RAP1GAP2: variants seen among roughly 807,000 people sequenced by gnomAD.
The protein encoded by RAP1GAP2 is rap1 GTPase-activating protein 2.
In RAP1GAP2, 27 loss-of-function variants were observed where a neutral mutation model predicts 95.0. The ratio of observed to expected loss-of-function variants is 0.28; its 90% CI spans 0.21 to 0.39. RAP1GAP2 has a LOEUF of 0.39. Among genes scored for constraint, RAP1GAP2 ranks in the 10% least tolerant of loss-of-function variants. The pLI, the probability that RAP1GAP2 is intolerant of heterozygous loss-of-function variation, is 1.00. For synonymous variants in RAP1GAP2, 373 were observed against 380.9 expected (o/e 0.98, Z 0.24); for missense variants, 771 against 970.0 (o/e 0.79, Z 2.72).
chr17:2,885,028 CTTTTTTTTTT>C lies in RAP1GAP2; in HGVS notation c.81-20242_81-20233del, dbSNP rs891984333. Among the ~76,000 whole-genome samples, 13 of 112,494 alleles carry C rather than the reference CTTTTTTTTTT, an allele frequency of 1.2e-4. No individual in the cohort carries two copies. In the East Asian group the frequency reaches 2.5e-3, roughly 22 times the overall value. The allele number at this position is 112,494 out of a possible 152,430, so 73.8% of individuals were successfully genotyped here. On this transcript the variant is annotated intron_variant, in intron 2 of 24. Coordinates refer to ENST00000254695, the MANE Select transcript of RAP1GAP2 (RefSeq NM_015085.5). ...ATAGGCACATTTCTTTTATTTCTTT[CTTTTTTTTTT>C]TTTTTTTTTTTTTGAGATGGAGTCT... is the stretch of plus-strand genomic sequence containing the variant.
chr17:2,917,028 C>T (rs910595519), intron 3 of RAP1GAP2, among the ~76,000 whole-genome samples: 1 of 152,182 alleles, frequency 6.6e-6, no homozygotes, highest in South Asian at 2.1e-4. Flanking sequence ...TGGCTGGGTT[C>T]GTAGAATTCT....
At chr17:2,899,256 G>A (rs2041943468) in intron 2 of RAP1GAP2, among the ~76,000 whole-genome samples, 1 of 152,184 alleles carries the variant, frequency 6.6e-6, no homozygotes, top group South Asian at 2.1e-4. Flanking sequence ...CCAGGCTGGA[G>A]TGCAGTGGAG....
intron 1 of RAP1GAP2, among the ~76,000 whole-genome samples, chr17:2,765,289 C>G (rs900639211): frequency 1.3e-4 from 20 of 152,194 alleles, no homozygotes; most frequent in Non-Finnish European, 2.9e-5. Flanking sequence ...GCACCAGGTC[C>G]TGCCAACACC....
At chr17:3,000,187 G>A (rs930514354) in intron 14 of RAP1GAP2, among the ~76,000 whole-genome samples, 3 of 152,210 alleles carry the variant, frequency 2.0e-5, no homozygotes, top group Non-Finnish European at 4.4e-5. Context: ...GACCCCAAGT[G>A]ATCTGCCTGC....
Position 3,031,131 on chromosome 17 carries a change from G to A in RAP1GAP2, c.2184+133G>A, listed in dbSNP as rs538142676. ...AGGAGGCAGGGGAAGCTCTGGGGACGTCTGGCTCCAGCAGGTGCAGGCCGT... is the reference window on the plus strand; with the variant it reads ...AGGAGGCAGGGGAAGCTCTGGGGACATCTGGCTCCAGCAGGTGCAGGCCGT... On this transcript the variant is annotated intron_variant, in intron 23 of 24. Transcript: ENST00000254695. 4,581 of 1,008,030 alleles carry A rather than the reference G, an allele frequency of 4.5e-3. 19 individuals carry two copies. The highest frequency in any genetic ancestry group is 9.4e-3 in the South Asian group (648 of 69,020). 62.4% of individuals were successfully genotyped at this position (1,008,030 alleles called of 1,614,324 possible).
intron 3 of RAP1GAP2, among the ~76,000 whole-genome samples, chr17:2,930,191 G>C (rs910390945): frequency 6.6e-6 from 1 of 152,382 alleles, no homozygotes; most frequent in East Asian, 1.9e-4. Context: ...GACTGGGAGC[G>C]GGATTGTCCC....
chr17:2,967,882 G>C (rs897737164), intron 8 of RAP1GAP2, among the ~76,000 whole-genome samples: 3 of 152,166 alleles, frequency 2.0e-5, no homozygotes, highest in Non-Finnish European at 4.4e-5. Context: ...TCCAGTCTAA[G>C]ATCTAAGTAT....
At chr17:2,914,794 C>CTT (rs1351771209) in intron 3 of RAP1GAP2, among the ~76,000 whole-genome samples, 16 of 120,272 alleles carry the variant, frequency 1.3e-4, no homozygotes, top group Admixed American at 3.4e-4. Flanking sequence ...CCGGCCACTT[C>CTT]TTTTTTTTTT....
chr17:2,939,799 T>G (rs939798335), intron 3 of RAP1GAP2, among the ~76,000 whole-genome samples: 1 of 152,228 alleles, frequency 6.6e-6, no homozygotes, highest in Non-Finnish European at 1.5e-5. Flanking sequence ...CCCCTTGCCC[T>G]TATGACGTAA....
rs1007355057 is a variant in RAP1GAP2, at chr17:3,017,393, C to T, written c.1495-668C>T. 3.3e-5 allele frequency among the ~76,000 whole-genome samples: 5 copies of T among 151,958 alleles called. No homozygotes were observed. In the East Asian group the frequency reaches 5.8e-4, roughly 18 times the overall value. Reference sequence around the variant, plus strand: ...TCAGCACCTCCATCAGACCAGGGGCCGTAACAAAGGCGGATCTGAAGCCCC... The same window carrying T: ...TCAGCACCTCCATCAGACCAGGGGCTGTAACAAAGGCGGATCTGAAGCCCC... On this transcript the variant is annotated intron_variant, in intron 17 of 24. Transcript: ENST00000254695.
In RAP1GAP2 at chr17:2,879,802, C is replaced by G. The variant is rs375891407; in HGVS notation, c.81-25482C>G. Among the ~76,000 whole-genome samples the G allele has an allele frequency of 2.4e-4, 36 of 152,074 alleles. No individual in the cohort carries two copies. In the South Asian group the frequency reaches 7.1e-3, roughly 30 times the overall value. On this transcript the variant is annotated intron_variant, in intron 2 of 24. Transcript: ENST00000254695. ...TTGAGCCCTCTCCCTCCATTCAGAT[C>G]CATCCCCACTGATGTCTCCTGCTCG...
rs1028735358 is a variant in RAP1GAP2, at chr17:3,035,684, AGT to A, written c.*2327_*2328del. The A allele has an allele frequency of 1.3e-5, 2 of 152,270 alleles. No homozygotes were observed. Among genetic ancestry groups the A allele is most frequent in the African/African-American group, 4.8e-5 (2 of 41,434 alleles). 9.4% of individuals were successfully genotyped at this position (152,270 alleles called of 1,614,324 possible). A position where few individuals can be genotyped will look rare whatever the true frequency, so the allele number is the denominator to read the frequency against. ...AGGAGCTCCATCCTGTGGCTTCCAGAGTGTGCACTTCCAGCCCACCCGGGCAG... is the reference window on the plus strand; with the variant it reads ...AGGAGCTCCATCCTGTGGCTTCCAGAGTGCACTTCCAGCCCACCCGGGCAG... On this transcript the variant is annotated 3_prime_UTR_variant, in exon 25 of 25. Coordinates refer to ENST00000254695, the MANE Select transcript of RAP1GAP2 (RefSeq NM_015085.5). This position sits in a 1 kb window ranked among gnomAD's most constrained non-coding sequence, Gnocchi z 4.3.
upstream of RAP1GAP2, among the ~76,000 whole-genome samples, chr17:2,772,153 C>G (rs942431692): frequency 3.3e-5 from 5 of 152,184 alleles, no homozygotes; most frequent in African/African-American, 9.6e-5. Context: ...CCACGCCCAG[C>G]TAATTTTTTA....
At chr17:2,877,442 C>T (rs1377498867) in intron 2 of RAP1GAP2, among the ~76,000 whole-genome samples, 3 of 152,176 alleles carry the variant, frequency 2.0e-5, no homozygotes, top group African/African-American at 2.4e-5. Context: ...CACATCTCTG[C>T]TCTGCTCACA....
At chr17:2,890,438 G>A (rs903666067) in intron 2 of RAP1GAP2, among the ~76,000 whole-genome samples, 21 of 152,120 alleles carry the variant, frequency 1.4e-4, no homozygotes, top group Admixed American at 7.9e-4. Flanking sequence ...GTCTTAGAGC[G>A]GAGTGGAGCA....
chr17:2,825,322 G>A lies in RAP1GAP2; in HGVS notation c.80+24772G>A, dbSNP rs2070500956. Among the ~76,000 whole-genome samples the A allele has an allele frequency of 6.6e-6, 1 of 152,260 alleles. No individual in the cohort carries two copies. The highest frequency in any genetic ancestry group is 1.5e-5 in the Non-Finnish European group (1 of 68,028). On this transcript the variant is annotated intron_variant, in intron 2 of 24. Transcript: ENST00000254695. This position sits in a 1 kb window ranked among gnomAD's most constrained non-coding sequence, Gnocchi z 4.1. ...TTTTTGGCTCATGATTTGGGCAAGAGGAGGGAGAAGGGAAGAGAAGAAACT... is the reference window on the plus strand; with the variant it reads ...TTTTTGGCTCATGATTTGGGCAAGAAGAGGGAGAAGGGAAGAGAAGAAACT...
chr17:2,994,103 A>AG (rs1447912906), intron 12 of RAP1GAP2, among the ~76,000 whole-genome samples: 7 of 152,200 alleles, frequency 4.6e-5, no homozygotes, highest in African/African-American at 1.7e-4. Context: ...TAAGCCCAGA[A>AG]GGTCCTCAGA....
intron 3 of RAP1GAP2, among the ~76,000 whole-genome samples, chr17:2,938,306 G>A (rs1009949684): frequency 2.0e-5 from 3 of 152,274 alleles, no homozygotes; most frequent in East Asian, 3.9e-4. Context: ...ACTAGGTCTG[G>A]AGCTGTTTCT....
chr17:2,957,922 AT>A (rs1310142214), intron 4 of RAP1GAP2, 128 bp downstream of exon 4: 1 of 1,033,664 alleles, frequency 9.7e-7, no homozygotes, highest in African/African-American at 1.7e-5. Context: ...AGACAATTGC[AT>A]CCCCTTGGCC....
Sources: allele counts gnomAD v4.1 joint callset (sites outside exome capture counted in the v4.1 genomes callset), GRCh38; gene constraint gnomAD v4.1.1; non-coding constraint Gnocchi (gnomAD v3.1); transcripts MANE v1.5; gene names NCBI Gene and HGNC (gene_info 2026-07-23, HGNC 2026-07-21).